The following HPCAL1 variants were observed in gnomAD, a reference collection of about 807,000 sequenced individuals.
HPCAL1 encodes the protein hippocalcin like 1.
Under a neutral mutation model 17.1 loss-of-function variants are expected in HPCAL1, and 8 were observed. That is an observed-to-expected ratio of 0.47 (90% CI 0.27 to 0.84). The LOEUF is 0.84. HPCAL1 is among the 40% of genes least tolerant of loss of function. The pLI, the probability that HPCAL1 is intolerant of heterozygous loss-of-function variation, is 0.13. For synonymous variants in HPCAL1, 112 were observed against 111.4 expected, an observed-to-expected ratio of 1.01 and a Z score of -0.03; for missense variants, 165 against 271.1, an observed-to-expected ratio of 0.61 and a Z score of 2.75.
chr2:10,332,211 C>T (rs1268506275), intron 1 of HPCAL1, among the ~76,000 whole-genome samples: 1 of 152,208 alleles, frequency 6.6e-6, no homozygotes, highest in African/African-American at 2.4e-5. Context: ...ATGCCCAGAG[C>T]CTGACTGCTC....
rs189908029 is a variant in HPCAL1 at position 10,384,154 on chromosome 2, A to G, written c.-110-12681A>G. Among the ~76,000 whole-genome samples the G allele has an allele frequency of 6.6e-6, 1 of 152,268 alleles. No individual in the cohort carries two copies. Among genetic ancestry groups the G allele is most frequent in the Admixed American group, 6.5e-5 (1 of 15,294 alleles). On this transcript the variant is annotated intron_variant, in intron 1 of 4. Coordinates refer to ENST00000307845, the MANE Select transcript of HPCAL1 (RefSeq NM_002149.4). The surrounding 1 kb of genome is among the most constrained non-coding windows in gnomAD (Gnocchi z 4.4). Reference sequence around the variant, plus strand: ...TTCCCAATCCTAGGCAGACAAAAGAACAACCCCAGACCTCCTCCCTCAGGG... The same window carrying G: ...TTCCCAATCCTAGGCAGACAAAAGAGCAACCCCAGACCTCCTCCCTCAGGG...
chr2:10,383,803 C>T (rs973046681), intron 1 of HPCAL1, among the ~76,000 whole-genome samples: 1 of 152,006 alleles, frequency 6.6e-6, no homozygotes, highest in Non-Finnish European at 1.5e-5. Flanking sequence ...TTGGTGTGTG[C>T]GGGGAAGGGG....
At chr2:10,386,659 C>T (rs1314093703) in intron 1 of HPCAL1, among the ~76,000 whole-genome samples, 4 of 152,148 alleles carry the variant, frequency 2.6e-5, no homozygotes, top group African/African-American at 2.4e-5. Context: ...GAATGCCAAA[C>T]CACAAAGGTC....
chr2:10,317,947 G>A (rs1264110049), intron 1 of HPCAL1, among the ~76,000 whole-genome samples: 1 of 152,234 alleles, frequency 6.6e-6, no homozygotes, highest in East Asian at 1.9e-4. Context: ...CCCATGGGAC[G>A]AGTGGGCACA....
In HPCAL1 at chr2:10,331,295, G is replaced by A. The variant is rs1462172151; in HGVS notation, c.-111+28118G>A. ...TCTCCTGCCTCCTGAGCCCACAGGC[G>A]CCCTTCCTGTCACCCGAGCGCCCTC... On this transcript the variant is annotated intron_variant, in intron 1 of 4. Coordinates refer to ENST00000307845, the MANE Select transcript of HPCAL1 (RefSeq NM_002149.4). This position sits in a 1 kb window ranked among gnomAD's most constrained non-coding sequence, Gnocchi z 5.0. Among the ~76,000 whole-genome samples the A allele has an allele frequency of 3.3e-5, 5 of 152,040 alleles. No individual in the cohort carries two copies. Among genetic ancestry groups the A allele is most frequent in the East Asian group, 1.9e-4 (1 of 5,154 alleles).
chr2:10,344,401 C>T lies in HPCAL1; in HGVS notation c.-111+41224C>T, dbSNP rs1280169845. ...GGTGCCTCACGATTAGCATAAGGCCCGTTTATCCAGGAAGCCAGAACCAGT... is the reference window on the plus strand; with the variant it reads ...GGTGCCTCACGATTAGCATAAGGCCTGTTTATCCAGGAAGCCAGAACCAGT... On this transcript the variant is annotated intron_variant, in intron 1 of 4. Coordinates refer to ENST00000307845, the MANE Select transcript of HPCAL1 (RefSeq NM_002149.4). The surrounding 1 kb of genome is among the most constrained non-coding windows in gnomAD (Gnocchi z 4.9). 3.3e-5 allele frequency among the ~76,000 whole-genome samples: 5 copies of T among 152,180 alleles called. No individual in the cohort carries two copies. In the South Asian group the frequency reaches 8.3e-4, roughly 25 times the overall value.
chr2:10,421,858 C>T (rs1671082383), intron 3 of HPCAL1, among the ~76,000 whole-genome samples: 1 of 152,308 alleles, frequency 6.6e-6, no homozygotes, highest in Admixed American at 6.5e-5. Flanking sequence ...ACCCATTTCC[C>T]ACGTAGATGG....
intron 1 of HPCAL1, among the ~76,000 whole-genome samples, chr2:10,329,520 G>A (rs1451852974): frequency 5.9e-5 from 9 of 152,224 alleles, no homozygotes; most frequent in African/African-American, 1.9e-4. Context: ...GCTGGAAAAG[G>A]CAAGGGAACA....
chr2:10,364,982 G>C (rs867739537), intron 1 of HPCAL1, among the ~76,000 whole-genome samples: 3 of 152,156 alleles, frequency 2.0e-5, no homozygotes, highest in Non-Finnish European at 4.4e-5. Flanking sequence ...TCTACAATGT[G>C]AGCTTGTACA....
intron 1 of HPCAL1, among the ~76,000 whole-genome samples, chr2:10,340,289 C>T (rs6743846): frequency 0.14 from 21,257 of 152,218 alleles, 1,616 homozygotes; most frequent in South Asian, 0.23. Context: ...GCTTCCTTCA[C>T]TGATTACTGG....
chr2:10,384,556 A>C lies in HPCAL1; in HGVS notation c.-110-12279A>C, dbSNP rs1260428170. 3.3e-5 allele frequency among the ~76,000 whole-genome samples: 5 copies of C among 151,896 alleles called. No homozygotes were observed. Among genetic ancestry groups the C allele is most frequent in the Non-Finnish European group, 7.4e-5 (5 of 67,962 alleles). On this transcript the variant is annotated intron_variant, in intron 1 of 4. Transcript: ENST00000307845. This position sits in a 1 kb window ranked among gnomAD's most constrained non-coding sequence, Gnocchi z 4.4. ...CTACAGATGCTAATCTGCAAATCCCAGAAAAGTGGAATCTCGGTGGCAGAG... is the reference window on the plus strand; with the variant it reads ...CTACAGATGCTAATCTGCAAATCCCCGAAAAGTGGAATCTCGGTGGCAGAG...
intron 1 of HPCAL1, among the ~76,000 whole-genome samples, chr2:10,358,545 G>C (rs1455263004): frequency 1.3e-5 from 2 of 152,204 alleles, no homozygotes; most frequent in Non-Finnish European, 2.9e-5. Context: ...AGCCTAGCAG[G>C]CACACACAGA....
chr2:10,420,188 C>T, intron 3 of HPCAL1, 53 bp downstream of exon 3: 1 of 1,490,782 alleles, frequency 6.7e-7, no homozygotes, highest in Admixed American at 2.1e-5. Flanking sequence ...CCCCTCCCAG[C>T]TCCCAGCCCC....
chr2:10,398,883 A>G (rs1423594479), intron 2 of HPCAL1, among the ~76,000 whole-genome samples: 1 of 152,074 alleles, frequency 6.6e-6, no homozygotes, highest in Non-Finnish European at 1.5e-5. Context: ...TCAGCAGAAA[A>G]TAGACACAAC....
At chr2:10,397,915 G>A (rs962897720) in intron 2 of HPCAL1, among the ~76,000 whole-genome samples, 6 of 152,148 alleles carry the variant, frequency 3.9e-5, no homozygotes, top group Non-Finnish European at 5.9e-5. Flanking sequence ...TTCCAATCTC[G>A]TGCATATTAA....
intron 2 of HPCAL1, among the ~76,000 whole-genome samples, chr2:10,413,532 G>A (rs1029761284): frequency 1.3e-5 from 2 of 152,234 alleles, no homozygotes; most frequent in Non-Finnish European, 2.9e-5. Flanking sequence ...TGCTGAGTGA[G>A]GCAGGAGGCC....
intron 1 of HPCAL1, among the ~76,000 whole-genome samples, chr2:10,385,345 G>C (rs577797992): frequency 9.1e-6 from 1 of 110,072 alleles, no homozygotes; most frequent in African/African-American, 4.2e-5. Context: ...TTCAGCTCCC[G>C]GTCACTTGTC....
Position 10,394,710 on chromosome 2 carries a change from G to A in HPCAL1, c.-110-2125G>A, listed in dbSNP as rs1463900547. Among the ~76,000 whole-genome samples, 1 of 152,212 alleles carries A rather than the reference G, an allele frequency of 6.6e-6. No individual in the cohort carries two copies. The highest frequency in any genetic ancestry group is 6.5e-5 in the Admixed American group (1 of 15,280). ...GCTCTGGCAGGGGATGTGGATCGTG[G>A]GGAAGGCTGTGGCCGGGAGTGGTGT... On this transcript the variant is annotated intron_variant, in intron 1 of 4. Transcript: ENST00000307845. The surrounding 1 kb of genome is among the most constrained non-coding windows in gnomAD (Gnocchi z 5.0).
intron 1 of HPCAL1, among the ~76,000 whole-genome samples, chr2:10,350,014 C>T (rs1665742591): frequency 6.6e-6 from 1 of 152,174 alleles, no homozygotes; most frequent in South Asian, 2.1e-4. Context: ...TTGTTCATGC[C>T]TAATTGAACA....
Sources: gnomAD v4.1 joint callset for allele counts (sites outside exome capture counted in the v4.1 genomes callset) on GRCh38, gnomAD v4.1.1 for gene constraint, Gnocchi (gnomAD v3.1) non-coding constraint, MANE v1.5 for transcripts, NCBI Gene and HGNC (gene_info 2026-07-23, HGNC 2026-07-21) for gene names.